The following CIB4 variants were observed in gnomAD, a reference collection of about 807,000 sequenced individuals.
The protein encoded by CIB4 is calcium and integrin binding family member 4.
In CIB4, 25 loss-of-function variants were observed where a neutral mutation model predicts 25.8. The observed-to-expected ratio is 0.97, with a 90% CI of 0.71 to 1.35. The LOEUF (loss-of-function observed/expected upper bound fraction) is 1.35, where lower values mean the gene tolerates loss of function less well. Among genes scored for constraint, CIB4 ranks in the 40% most tolerant of loss-of-function variants. CIB4 has a pLI of 0.00. For missense variants in CIB4, 235 were observed against 228.2 expected (o/e 1.03, Z -0.19); for synonymous variants, 75 against 81.4 (o/e 0.92, Z 0.42).
chr2:26,606,492 C>T (rs75705911), intron 3 of CIB4, among the ~76,000 whole-genome samples: 1 of 152,016 alleles, frequency 6.6e-6, no homozygotes, highest in South Asian at 2.1e-4. Context: ...AGGACTCCCC[C>T]CTCCTCCCGC....
At chr2:26,602,035 G>A (rs1383638504) in intron 3 of CIB4, among the ~76,000 whole-genome samples, 1 of 152,134 alleles carries the variant, frequency 6.6e-6, no homozygotes, top group East Asian at 1.9e-4. Flanking sequence ...TGTTCTCTAG[G>A]GTGCTGTGGT....
At chr2:26,616,957 G>A (rs759749733) in intron 3 of CIB4, among the ~76,000 whole-genome samples, 6 of 152,192 alleles carry the variant, frequency 3.9e-5, no homozygotes, top group Non-Finnish European at 8.8e-5. Context: ...GAAGGTGAGG[G>A]GAGCAGGGAC....
chr2:26,630,753 G>A (rs1405810676), intron 2 of CIB4, among the ~76,000 whole-genome samples: 1 of 152,138 alleles, frequency 6.6e-6, no homozygotes, highest in Non-Finnish European at 1.5e-5. Flanking sequence ...GATTAAATGA[G>A]GGGAGGTGTA....
At chr2:26,638,812 C>G (rs1448280716) in intron 2 of CIB4, among the ~76,000 whole-genome samples, 1 of 152,010 alleles carries the variant, frequency 6.6e-6, no homozygotes, top group Non-Finnish European at 1.5e-5. Flanking sequence ...ATTTGCCGGG[C>G]GTGGTGGCAG....
chr2:26,629,320 C>T (rs967831588), intron 3 of CIB4, 90 bp downstream of exon 3: 26 of 799,766 alleles, frequency 3.3e-5, no homozygotes, highest in Non-Finnish European at 5.2e-5. Flanking sequence ...GCACGGAGTG[C>T]CCACCTCACC....
intron 3 of CIB4, among the ~76,000 whole-genome samples, chr2:26,595,637 C>A (rs1668667826): frequency 6.6e-6 from 1 of 152,244 alleles, no homozygotes; most frequent in Non-Finnish European, 1.5e-5. Context: ...AAATACGAGT[C>A]CTTCTCTATG....
intron 3 of CIB4, among the ~76,000 whole-genome samples, chr2:26,608,848 C>T (rs972154884): frequency 1.3e-5 from 2 of 152,148 alleles, no homozygotes; most frequent in African/African-American, 4.8e-5. Flanking sequence ...AGCACATCAC[C>T]CCCACCCCGG....
chr2:26,588,064 C>CTCTG (rs1238372281), intron 4 of CIB4, among the ~76,000 whole-genome samples: 1 of 152,240 alleles, frequency 6.6e-6, no homozygotes, highest in African/African-American at 2.4e-5. Flanking sequence ...CCTGCACAGG[C>CTCTG]TCTGCTACCA....
intron 2 of CIB4, among the ~76,000 whole-genome samples, chr2:26,637,325 T>C (rs912482176): frequency 2.0e-5 from 3 of 152,214 alleles, no homozygotes; most frequent in African/African-American, 7.2e-5. Context: ...TCTATTCAGC[T>C]AAGTCTGCGT....
At chr2:26,623,858 C>T (rs991988485) in intron 3 of CIB4, among the ~76,000 whole-genome samples, 1 of 152,170 alleles carries the variant, frequency 6.6e-6, no homozygotes, top group Non-Finnish European at 1.5e-5. Flanking sequence ...GCTCTGGGCT[C>T]GGAAACTAGA....
rs370261225 is a variant in CIB4, at chr2:26,583,795, C to A, written c.432G>T (p.Thr144=). Residue 144 remains threonine, a synonymous_variant, in exon 5 of 7, where the codon ACG becomes ACT. Coordinates refer to ENST00000288861, the MANE Select transcript of CIB4 (RefSeq NM_001029881.3). ...CCCAGCCCCCAGCACACACGTGGTTCGTGAGGTCCATCAGGAGGTCCTCAG... is the reference window on the plus strand; with the variant it reads ...CCCAGCCCCCAGCACACACGTGGTTAGTGAGGTCCATCAGGAGGTCCTCAG... ...DMSEDLLMDL[T]NHVLSESDLD... The A allele has an allele frequency of 6.2e-7, 1 of 1,602,092 alleles. No individual in the cohort carries two copies. Among genetic ancestry groups the A allele is most frequent in the Non-Finnish European group, 8.5e-7 (1 of 1,170,304 alleles).
rs113929986 is a variant in CIB4, at chr2:26,631,078, G to A, written c.90-1572C>T. Reference sequence around the variant, plus strand: ...AGAGGCCAGCAATCCCATGAAAGGAGTCTGTATGCAGGAGTGAGTGACTAA... The same window carrying A: ...AGAGGCCAGCAATCCCATGAAAGGAATCTGTATGCAGGAGTGAGTGACTAA... On this transcript the variant is annotated intron_variant, in intron 2 of 6. Transcript: ENST00000288861. Among the ~76,000 whole-genome samples the A allele has an allele frequency of 5.9e-3, 903 of 152,286 alleles. 14 individuals are homozygous for A. The highest frequency in any genetic ancestry group is 0.02 in the African/African-American group (850 of 41,538).
At chr2:26,585,338 G>T (rs1462261663) in intron 4 of CIB4, among the ~76,000 whole-genome samples, 2 of 152,048 alleles carry the variant, frequency 1.3e-5, no homozygotes, top group African/African-American at 4.8e-5. Context: ...GACTGGCATG[G>T]TGTGAGGGGA....
At chr2:26,640,968 C>T (rs539487157) in intron 1 of CIB4, among the ~76,000 whole-genome samples, 1 of 152,222 alleles carries the variant, frequency 6.6e-6, no homozygotes, top group African/African-American at 2.4e-5. Context: ...CAACCCACGG[C>T]CTGCAGGCCA....
chr2:26,620,440 G>A (rs879275677), intron 3 of CIB4, among the ~76,000 whole-genome samples: 1 of 152,130 alleles, frequency 6.6e-6, no homozygotes, highest in Admixed American at 6.5e-5. Flanking sequence ...TGCAAAAGAC[G>A]GGAGTTTGTT....
At chr2:26,602,116 T>C (rs1668803302) in intron 3 of CIB4, among the ~76,000 whole-genome samples, 1 of 152,208 alleles carries the variant, frequency 6.6e-6, no homozygotes, top group African/African-American at 2.4e-5. Flanking sequence ...TGAACTTTAC[T>C]GGATGCAAAT....
rs145880175 is a variant in CIB4, at chr2:26,631,469, G to A, written c.90-1963C>T. ...AGCCTGGGCGACAGAGCAAGACCCC[G>A]TCTCAATAAACAACAAAAACTAGGT... On this transcript the variant is annotated intron_variant, in intron 2 of 6. Coordinates refer to ENST00000288861, the MANE Select transcript of CIB4 (RefSeq NM_001029881.3). Among the ~76,000 whole-genome samples the A allele has an allele frequency of 1.6e-3, 237 of 152,232 alleles. 3 individuals are homozygous for A. The highest frequency in any genetic ancestry group is 5.2e-3 in the African/African-American group (218 of 41,554).
chr2:26,608,167 G>T (rs759939285), intron 3 of CIB4, among the ~76,000 whole-genome samples: 3 of 151,468 alleles, frequency 2.0e-5, no homozygotes, highest in Non-Finnish European at 4.4e-5. Flanking sequence ...GAACCCAGGA[G>T]ACGGGAAGGT....
chr2:26,602,665 A>G (rs1489014092), intron 3 of CIB4, among the ~76,000 whole-genome samples: 2 of 152,190 alleles, frequency 1.3e-5, no homozygotes, highest in South Asian at 2.1e-4. Context: ...ATAACTTTAC[A>G]GTGGAGAAAC....
Sources: gnomAD v4.1 joint callset for allele counts (sites outside exome capture counted in the v4.1 genomes callset) on GRCh38, gnomAD v4.1.1 for gene constraint, MANE v1.5 for transcripts, NCBI Gene and HGNC (gene_info 2026-07-23, HGNC 2026-07-21) for gene names.